The following C12orf56 variants were observed in gnomAD, a reference collection of about 807,000 sequenced individuals.
The protein encoded by C12orf56 is chromosome 12 open reading frame 56.
Under a neutral mutation model 69.9 loss-of-function variants are expected in C12orf56, and 71 were observed. That is an observed-to-expected ratio of 1.02 (90% CI 0.84 to 1.24). C12orf56 has a LOEUF of 1.24. Among genes scored for constraint, C12orf56 ranks in the 50% most tolerant of loss-of-function variants. The pLI is 0.00. For missense variants in C12orf56, 732 were observed against 738.5 expected (o/e 0.99, Z 0.10); for synonymous variants, 276 against 274.1 (o/e 1.01, Z -0.07).
intron 6 of C12orf56, among the ~76,000 whole-genome samples, chr12:64,302,247 C>A (rs2038455187): frequency 6.6e-6 from 1 of 152,130 alleles, no homozygotes; most frequent in Non-Finnish European, 1.5e-5. Flanking sequence ...GACTACGCAG[C>A]ACTACATCAT....
chr12:64,306,136 T>C (rs539321408), intron 5 of C12orf56, among the ~76,000 whole-genome samples: 2 of 152,290 alleles, frequency 1.3e-5, no homozygotes, highest in Non-Finnish European at 2.9e-5. Flanking sequence ...AATTCATACA[T>C]AAATGGAGGT....
chr12:64,387,022 A>G (rs2039801001), intron 1 of C12orf56, among the ~76,000 whole-genome samples: 1 of 139,736 alleles, frequency 7.2e-6, no homozygotes, highest in Non-Finnish European at 1.5e-5. Context: ...GAGGTTCAGC[A>G]AGCCAAGATT....
In C12orf56 at chr12:64,313,679, C is replaced by T. The variant is rs1040479175; in HGVS notation, c.895-927G>A. On this transcript the variant is annotated intron_variant, in intron 4 of 12. Transcript: ENST00000543942. ...ATATATATTTAATCCTAAATTATAT[C>T]GCATATATTAATCTGGAACTTGATT... 7.9e-5 allele frequency among the ~76,000 whole-genome samples: 12 copies of T among 151,274 alleles called. No homozygotes were observed. In the East Asian group the frequency reaches 1.5e-3, roughly 19 times the overall value.
chr12:64,284,042 T>G (rs189844047), intron 8 of C12orf56, among the ~76,000 whole-genome samples: 2 of 151,804 alleles, frequency 1.3e-5, no homozygotes, highest in East Asian at 3.9e-4. Context: ...GGATTACAAG[T>G]GCGCACCACC....
At chr12:64,385,652 G>A (rs985754839) in intron 1 of C12orf56, among the ~76,000 whole-genome samples, 13 of 152,110 alleles carry the variant, frequency 8.5e-5, no homozygotes, top group African/African-American at 3.1e-4. Flanking sequence ...AGTACAAGAG[G>A]ACAGCTTCCA....
intron 3 of C12orf56, among the ~76,000 whole-genome samples, chr12:64,328,896 T>C (rs7960882): frequency 0.45 from 67,127 of 149,582 alleles, 15,394 homozygotes; most frequent in African/African-American, 0.54. Context: ...AAACCCCATC[T>C]CTACTAAAAA....
chr12:64,330,139 C>T (rs1404271108), intron 3 of C12orf56, among the ~76,000 whole-genome samples: 1 of 152,140 alleles, frequency 6.6e-6, no homozygotes, highest in African/African-American at 2.4e-5. Context: ...TTACGTTCCA[C>T]CAACAGTGTA....
intron 3 of C12orf56, among the ~76,000 whole-genome samples, chr12:64,327,670 C>A (rs1005721324): frequency 2.0e-5 from 3 of 152,218 alleles, no homozygotes; most frequent in African/African-American, 7.2e-5. Flanking sequence ...AATTTAGCTA[C>A]ACAGGCTGTT....
At chr12:64,368,399 T>G (rs930526888) in intron 1 of C12orf56, among the ~76,000 whole-genome samples, 1 of 152,114 alleles carries the variant, frequency 6.6e-6, no homozygotes, top group African/African-American at 2.4e-5. Context: ...TCATTTCTCA[T>G]GCATTCTCAT....
In C12orf56 at chr12:64,318,999, T is replaced by C. The variant is rs1000819321; in HGVS notation, c.489-19A>G. On this transcript the variant is annotated intron_variant, in intron 3 of 12. Coordinates refer to ENST00000543942, the MANE Select transcript of C12orf56 (RefSeq NM_001170633.2). ...CTGGTCCCTGTCAGGTAGAATTTAG[T>C]ATTAAACATGACATGCAAAATTTCA... is the stretch of plus-strand genomic sequence containing the variant. The C allele has an allele frequency of 7.6e-6, 11 of 1,444,024 alleles. No homozygotes were observed. The African/African-American group carries it at 1.1e-4, about 15-fold the overall frequency. The allele number at this position is 1,444,024 out of a possible 1,614,324, so 89.5% of individuals were successfully genotyped here.
intron 4 of C12orf56, among the ~76,000 whole-genome samples, chr12:64,313,298 G>GAAAGAAAGAAAGAAAGAAAGAAAGAA (rs1234581270): frequency 6.9e-6 from 1 of 145,850 alleles, no homozygotes; most frequent in Non-Finnish European, 1.5e-5. Context: ...AAGAAAGAAA[G>GAAAGAAAGAAAGAAAGAAAGAAAGAA]AAATTATTTA....
chr12:64,338,526 G>T, intron 2 of C12orf56: 1 of 1,238,244 alleles, frequency 8.1e-7, no homozygotes, highest in East Asian at 2.3e-5. Context: ...CCTGTGGTAA[G>T]GTCATCCCTC....
chr12:64,322,094 C>G (rs772118091), intron 3 of C12orf56, among the ~76,000 whole-genome samples: 2 of 151,588 alleles, frequency 1.3e-5, no homozygotes, highest in Admixed American at 1.3e-4. Context: ...ATCCTCTAGC[C>G]TAGGCCTCCC....
In C12orf56 at chr12:64,387,077, C is replaced by CAAAAA. The variant is rs869290282; in HGVS notation, c.252+3232_252+3236dup. On this transcript the variant is annotated intron_variant, in intron 1 of 12. Transcript: ENST00000543942. ...TGGGTAACAGAGCGAGACTCTATCT[C>CAAAAA]AAAAAAAAAAAAAAAAAAAAAAAAA... Among the ~76,000 whole-genome samples the CAAAAA allele has an allele frequency of 4.3e-3, 181 of 42,100 alleles. 29 individuals carry two copies. The highest frequency in any genetic ancestry group is 6.2e-3 in the South Asian group (4 of 650). The allele number at this position is 42,100 out of a possible 152,430, so 27.6% of individuals were successfully genotyped here.
chr12:64,372,093 C>G (rs1267969955), intron 1 of C12orf56, among the ~76,000 whole-genome samples: 1 of 151,904 alleles, frequency 6.6e-6, no homozygotes, highest in Admixed American at 6.6e-5. Context: ...TTACACAGTA[C>G]TTTCTCTGTT....
intron 6 of C12orf56, among the ~76,000 whole-genome samples, chr12:64,298,000 C>A (rs1460456837): frequency 6.6e-6 from 1 of 152,178 alleles, no homozygotes; most frequent in Non-Finnish European, 1.5e-5. Context: ...ACACTCCCAC[C>A]AACAGTGTAA....
At position 64,303,690 on chromosome 12, in the gene C12orf56, A is replaced by G. The variant is rs1380503758; in HGVS notation, c.1058T>C (p.Met353Thr). ...TTTCTGGGCTGCTACTTTAAGTTCC[A>G]TAAGTAAAGAAAGTATCCTCCTCAA... ...NSLRRILSLLMELKVAAQKNF... is the reference protein window; with the variant it reads ...NSLRRILSLLTELKVAAQKNF... Residue 353 changes from methionine (M) to threonine (T), a missense_variant, in exon 6 of 13, where the codon ATG becomes ACG. Transcript: ENST00000543942. 4 of 1,577,132 alleles carry G rather than the reference A, an allele frequency of 2.5e-6. No homozygotes were observed. The highest frequency in any genetic ancestry group is 2.6e-6 in the Non-Finnish European group (3 of 1,161,460).
intron 1 of C12orf56, among the ~76,000 whole-genome samples, chr12:64,356,620 C>T (rs940898248): frequency 1.3e-5 from 2 of 152,116 alleles, no homozygotes; most frequent in African/African-American, 4.8e-5. Flanking sequence ...GGTTACAGAA[C>T]AGGTAAGTCA....
intron 1 of C12orf56, among the ~76,000 whole-genome samples, chr12:64,359,717 A>T (rs1269135620): frequency 6.6e-6 from 1 of 152,008 alleles, no homozygotes; most frequent in Non-Finnish European, 1.5e-5. Flanking sequence ...CTCTTTTATT[A>T]TTATTATTTT....
Sources: gnomAD v4.1 joint callset for allele counts (sites outside exome capture counted in the v4.1 genomes callset) on GRCh38, gnomAD v4.1.1 for gene constraint, MANE v1.5 for transcripts, NCBI Gene and HGNC (gene_info 2026-07-23, HGNC 2026-07-21) for gene names.